The following RXFP1 variants were observed in gnomAD, a reference collection of about 807,000 sequenced individuals.
The protein encoded by RXFP1 is relaxin receptor 1.
RXFP1 carries 73 observed loss-of-function variants against 89.8 expected under a neutral mutation model. That is an observed-to-expected ratio of 0.81 (90% CI 0.67 to 0.99). The LOEUF (loss-of-function observed/expected upper bound fraction) is 0.99. Among genes scored for constraint, RXFP1 ranks in the 50% least tolerant of loss-of-function variants. The pLI, the probability that RXFP1 is intolerant of heterozygous loss-of-function variation, is 0.00. For synonymous variants in RXFP1, 277 were observed against 305.5 expected (o/e 0.91, Z 0.97); for missense variants, 793 against 895.5 (o/e 0.89, Z 1.46).
chr4:158,641,647 A>G (rs760726141), intron 14 of RXFP1, among the ~76,000 whole-genome samples: 1 of 152,238 alleles, frequency 6.6e-6, no homozygotes. Flanking sequence ...GCTTGACAGG[A>G]CAAATTGTAA....
intron 1 of RXFP1, among the ~76,000 whole-genome samples, chr4:158,552,731 G>T (rs570603778): frequency 5.3e-5 from 8 of 152,304 alleles, no homozygotes; most frequent in African/African-American, 1.9e-4. Flanking sequence ...ACTATAAAAA[G>T]TTGGCAAGAG....
chr4:158,531,653 C>G (rs1192537207), intron 1 of RXFP1, among the ~76,000 whole-genome samples: 1 of 152,174 alleles, frequency 6.6e-6, no homozygotes, highest in Non-Finnish European at 1.5e-5. Context: ...TACTACTACA[C>G]ACACACACTT....
At position 158,652,079 on chromosome 4, in the gene RXFP1, G is replaced by T. The variant is rs767571927; in HGVS notation, c.*24G>T. The T allele has an allele frequency of 1.3e-6, 2 of 1,582,570 alleles. No individual in the cohort carries two copies. The highest frequency in any genetic ancestry group is 8.6e-7 in the Non-Finnish European group (1 of 1,161,834). ...GACTGACTCTGAAATTCATTTCTTC[G>T]CAGAGAATACTGTGGGGGTGCTTCA... On this transcript the variant is annotated 3_prime_UTR_variant, in exon 18 of 18. Transcript: ENST00000307765.
intron 1 of RXFP1, among the ~76,000 whole-genome samples, chr4:158,562,232 G>A (rs1178580502): frequency 6.6e-6 from 1 of 151,950 alleles, no homozygotes; most frequent in Non-Finnish European, 1.5e-5. Flanking sequence ...TAATTTTATT[G>A]TCTCTATATT....
intron 5 of RXFP1, chr4:158,607,130 G>A (rs1762674975): frequency 6.5e-7 from 1 of 1,535,334 alleles, no homozygotes; most frequent in Non-Finnish European, 8.7e-7. Context: ...CCGCAATCTG[G>A]GGCAAGTACA....
chr4:158,597,195 G>GA (rs1760792096), intron 3 of RXFP1, among the ~76,000 whole-genome samples: 1 of 152,072 alleles, frequency 6.6e-6, no homozygotes, highest in African/African-American at 2.4e-5. Context: ...TTATTATAGG[G>GA]ATTTATTGGA....
At chr4:158,585,086 T>C (rs931846063) in intron 2 of RXFP1, among the ~76,000 whole-genome samples, 2 of 152,218 alleles carry the variant, frequency 1.3e-5, no homozygotes, top group East Asian at 3.8e-4. Flanking sequence ...GTCCCAGATA[T>C]ACACTTTTGA....
At chr4:158,533,533 C>T (rs1236463277) in intron 1 of RXFP1, among the ~76,000 whole-genome samples, 1 of 152,172 alleles carries the variant, frequency 6.6e-6, no homozygotes, top group East Asian at 1.9e-4. Flanking sequence ...GTATAATAGA[C>T]ACAAGTGAAT....
At position 158,648,513 on chromosome 4, in the gene RXFP1, G is replaced by A. The variant is rs757231693; in HGVS notation, c.1771G>A (p.Ala591Thr). ...ATTCCAAATAGGTATTAATTTGGCCGCATTTATCATCATAGTTTTTTCCTA... is the reference window on the plus strand; with the variant it reads ...ATTCCAAATAGGTATTAATTTGGCCACATTTATCATCATAGTTTTTTCCTA... ...VAIFLGINLA[A>T]FIIIVFSYGS... The change falls in exon 17 of 18, where the codon GCA (alanine) becomes ACA (threonine). Residue 591 changes from alanine to threonine, a missense_variant. Coordinates refer to ENST00000307765, the MANE Select transcript of RXFP1 (RefSeq NM_021634.4). The A allele has an allele frequency of 1.1e-4, 176 of 1,593,614 alleles. No individual in the cohort carries two copies. Among genetic ancestry groups the A allele is most frequent in the Middle Eastern group, 1.7e-4 (1 of 5,986 alleles).
chr4:158,566,763 C>T (rs954512825), intron 1 of RXFP1, among the ~76,000 whole-genome samples: 12 of 152,234 alleles, frequency 7.9e-5, no homozygotes, highest in African/African-American at 2.9e-4. Context: ...TTCATGATAC[C>T]GAGAGGTGAC....
At position 158,575,924 on chromosome 4, in the gene RXFP1, G is replaced by A. The variant is rs192861742; in HGVS notation, c.187+3089G>A. Among the ~76,000 whole-genome samples, 231 of 152,228 alleles carry A rather than the reference G, an allele frequency of 1.5e-3. 1 individual carries two copies. Among genetic ancestry groups the A allele is most frequent in the African/African-American group, 5.3e-3 (220 of 41,550 alleles). On this transcript the variant is annotated intron_variant, in intron 2 of 17. Coordinates refer to ENST00000307765, the MANE Select transcript of RXFP1 (RefSeq NM_021634.4). The stretch of plus-strand genomic sequence containing the variant: ...ATTCTTGGGGTCAGCAATTTTGGAT[G>A]GACTCCACTGAGATCAGCTAGGCAG...
At chr4:158,609,103 A>T (rs1018450895) in intron 6 of RXFP1, among the ~76,000 whole-genome samples, 5 of 152,216 alleles carry the variant, frequency 3.3e-5, no homozygotes, top group African/African-American at 1.2e-4. Context: ...ACACAGGGAT[A>T]CAAATATCTG....
At chr4:158,640,308 T>G (rs1056328172) in intron 14 of RXFP1, among the ~76,000 whole-genome samples, 1 of 152,196 alleles carries the variant, frequency 6.6e-6, no homozygotes, top group Non-Finnish European at 1.5e-5. Context: ...AATTGGTGTA[T>G]AGGGTGTGTT....
In RXFP1 at chr4:158,592,849, G is replaced by T. The variant is rs181717946; in HGVS notation, c.188-552G>T. Among the ~76,000 whole-genome samples, 1,461 of 152,146 alleles carry T rather than the reference G, an allele frequency of 9.6e-3. 4 individuals are homozygous for T. The highest frequency in any genetic ancestry group is 0.015 in the Non-Finnish European group (999 of 67,998). ...CGCACGCCTGTAATCCCAACACTTT[G>T]GGGGGCCGAGGCGGACAGATTTGAA... On this transcript the variant is annotated intron_variant, in intron 2 of 17. Transcript: ENST00000307765.
chr4:158,542,109 A>ATATATATATATATATATATTTT, intron 1 of RXFP1, among the ~76,000 whole-genome samples: 28 of 35,218 alleles, frequency 8.0e-4, no homozygotes, highest in Admixed American at 1.7e-3. Flanking sequence ...ATATATATAT[A>ATATATATATATATATATATTTT]TTTTTTTTTT....
At chr4:158,626,486 A>G (rs142691197) in intron 9 of RXFP1, among the ~76,000 whole-genome samples, 156 of 152,232 alleles carry the variant, frequency 1.0e-3, no homozygotes, top group African/African-American at 3.7e-3. Flanking sequence ...CATATGGTTC[A>G]TTATGAAATA....
chr4:158,629,628 T>A (rs1767630751), intron 11 of RXFP1, among the ~76,000 whole-genome samples: 2 of 152,112 alleles, frequency 1.3e-5, no homozygotes, highest in South Asian at 4.1e-4. Context: ...TTTCATTTTT[T>A]GTTTGCTTTT....
chr4:158,650,281 AATC>A (rs70962620), intron 17 of RXFP1, among the ~76,000 whole-genome samples: 136,727 of 151,856 alleles, frequency 0.9, 63,227 homozygotes, highest in East Asian at 1. Context: ...TGGGAGATGA[AATC>A]ATTCTGGAGA....
intron 1 of RXFP1, among the ~76,000 whole-genome samples, chr4:158,533,681 C>T: frequency 6.6e-6 from 1 of 152,168 alleles, no homozygotes; most frequent in East Asian, 1.9e-4. Flanking sequence ...TGTGCTTATC[C>T]TATTTGGATT....
Sources: allele counts gnomAD v4.1 joint callset (sites outside exome capture counted in the v4.1 genomes callset), GRCh38; gene constraint gnomAD v4.1.1; transcripts MANE v1.5; gene names NCBI Gene and HGNC (gene_info 2026-07-23, HGNC 2026-07-21).